The following SLC7A9 variants were observed in gnomAD, a reference collection of about 807,000 sequenced individuals.
SLC7A9 encodes B(0,+)-type amino acid transporter 1.
A neutral mutation model predicts 54.1 loss-of-function variants in SLC7A9; 38 were observed. The observed-to-expected ratio is 0.70, with a 90% CI of 0.54 to 0.92. The LOEUF (loss-of-function observed/expected upper bound fraction) is 0.92. SLC7A9 is among the 40% of genes least tolerant of loss of function. The probability of loss-of-function intolerance (pLI) is 0.00; values close to 1 mark genes in which losing one functional copy is unlikely to be tolerated. For missense variants in SLC7A9, 537 were observed against 636.1 expected (o/e 0.84, Z 1.68); for synonymous variants, 264 against 258.9 (o/e 1.02, Z -0.19).
intron 6 of SLC7A9, among the ~76,000 whole-genome samples, chr19:32,861,131 C>T (rs1054227928): frequency 3.9e-5 from 6 of 152,022 alleles, no homozygotes; most frequent in Non-Finnish European, 7.4e-5. Context: ...GAGTTCAAGA[C>T]TAGCCTGGCC....
At chr19:32,855,448 C>T (rs557861668) in intron 9 of SLC7A9, among the ~76,000 whole-genome samples, 1 of 152,148 alleles carries the variant, frequency 6.6e-6, no homozygotes, top group Non-Finnish European at 1.5e-5. Flanking sequence ...GCCTGTAATC[C>T]CAGCACTTTG....
At chr19:32,848,346 A>G (rs1191254608) in intron 9 of SLC7A9, among the ~76,000 whole-genome samples, 1 of 152,158 alleles carries the variant, frequency 6.6e-6, no homozygotes, top group African/African-American at 2.4e-5. Context: ...AGGAAGATCT[A>G]CCAAGCAAAT....
rs577978881 is a variant in SLC7A9 at position 32,845,356 on chromosome 19, G to A, written c.978-1405C>T. Among the ~76,000 whole-genome samples the A allele has an allele frequency of 2.0e-4, 30 of 151,400 alleles. No homozygotes were observed. The South Asian group carries it at 6.1e-3, about 31-fold the overall frequency. Reference sequence around the variant, plus strand: ...CTAAAAATACAAAAATTAGCCAGGTGTGGTGGCGGGCACCTGTAACCTCAG... The same window carrying A: ...CTAAAAATACAAAAATTAGCCAGGTATGGTGGCGGGCACCTGTAACCTCAG... On this transcript the variant is annotated intron_variant, in intron 9 of 12. Transcript: ENST00000023064.
chr19:32,860,165 G>A, intron 7 of SLC7A9: 11 of 1,514,602 alleles, frequency 7.3e-6, no homozygotes, highest in Non-Finnish European at 9.7e-6. Flanking sequence ...AGCAAAATAA[G>A]CCAGAGATAA....
chr19:32,833,629 C>T (rs1231733789), intron 11 of SLC7A9, among the ~76,000 whole-genome samples: 2 of 152,092 alleles, frequency 1.3e-5, no homozygotes, highest in Non-Finnish European at 2.9e-5. Flanking sequence ...GAAACACCAT[C>T]TCTACCAAAA....
intron 11 of SLC7A9, 52 bp from the exon 12 acceptor site, chr19:32,833,375 A>G (rs1245441983): frequency 6.3e-7 from 1 of 1,589,344 alleles, no homozygotes; most frequent in Non-Finnish European, 8.6e-7. Context: ...GAAATTTTTC[A>G]TGATAAAAAA....
chr19:32,868,823 C>G (rs1036103406), intron 1 of SLC7A9, among the ~76,000 whole-genome samples, 178 bp from the exon 2 acceptor site: 10 of 152,256 alleles, frequency 6.6e-5, no homozygotes, highest in African/African-American at 2.4e-4. Context: ...AGACAGGCCC[C>G]GGGAGCCTCC....
chr19:32,862,066 A>T, intron 6 of SLC7A9, 52 bp downstream of exon 6: 1 of 1,189,972 alleles, frequency 8.4e-7, no homozygotes, highest in South Asian at 1.2e-5. Context: ...AGTTAAAGTC[A>T]CCTGGAGAAC....
chr19:32,843,704 ATGT>A, intron 10 of SLC7A9, 148 bp downstream of exon 10: 1 of 669,586 alleles, frequency 1.5e-6, no homozygotes, highest in Non-Finnish European at 2.7e-6. Flanking sequence ...GATATTGGGT[ATGT>A]TGTTTCACTT....
intron 4 of SLC7A9, among the ~76,000 whole-genome samples, 161 bp downstream of exon 4, chr19:32,863,935 G>A (rs1968882104): frequency 6.6e-6 from 1 of 152,174 alleles, no homozygotes; most frequent in Non-Finnish European, 1.5e-5. Context: ...CACGGGCCTG[G>A]GGGTCCCCAG....
intron 10 of SLC7A9, among the ~76,000 whole-genome samples, chr19:32,842,987 G>A (rs1968172076): frequency 6.6e-6 from 1 of 152,092 alleles, no homozygotes; most frequent in Non-Finnish European, 1.5e-5. Context: ...GTGTGGCCCT[G>A]GACTGGTATT....
At chr19:32,847,594 C>A (rs1200199385) in intron 9 of SLC7A9, among the ~76,000 whole-genome samples, 3 of 152,162 alleles carry the variant, frequency 2.0e-5, no homozygotes, top group African/African-American at 7.2e-5. Flanking sequence ...AGAATGGAAC[C>A]AAGTTGGAAA....
At position 32,858,790 on chromosome 19, in the gene SLC7A9, T is replaced by TTATTTATTTATTTATTTATTTATG. The variant is rs1284711711; in HGVS notation, c.874-248_874-247insCATAAATAAATAAATAAATAAATA. Among the ~76,000 whole-genome samples, 34 of 151,574 alleles carry TTATTTATTTATTTATTTATTTATG rather than the reference T, an allele frequency of 2.2e-4. 1 individual carries two copies. The East Asian group carries it at 4.5e-3, about 20-fold the overall frequency. Reference sequence around the variant, plus strand: ...AATCTTTATTTATTTATTTATTTATTTATTTATTTATTTCTGAGATGGAGC... The same window carrying TTATTTATTTATTTATTTATTTATG: ...AATCTTTATTTATTTATTTATTTATTTATTTATTTATTTATTTATTTATGTATTTATTTATTTCTGAGATGGAGC... On this transcript the variant is annotated intron_variant, in intron 8 of 12. Coordinates refer to ENST00000023064, the MANE Select transcript of SLC7A9 (RefSeq NM_014270.5).
chr19:32,852,579 A>T (rs1968500680), intron 9 of SLC7A9, among the ~76,000 whole-genome samples: 1 of 152,208 alleles, frequency 6.6e-6, no homozygotes, highest in African/African-American at 2.4e-5. Flanking sequence ...AGAAGTCAAT[A>T]CAAATGCCAC....
chr19:32,868,928 G>C (rs1330813496), intron 1 of SLC7A9, among the ~76,000 whole-genome samples: 1 of 151,930 alleles, frequency 6.6e-6, no homozygotes, highest in Non-Finnish European at 1.5e-5. Context: ...AACATCCCGG[G>C]CTGGGCACAG....
intron 11 of SLC7A9, among the ~76,000 whole-genome samples, chr19:32,840,121 T>C (rs1968088490): frequency 6.6e-6 from 1 of 152,174 alleles, no homozygotes; most frequent in African/African-American, 2.4e-5. Flanking sequence ...ATATTTGTTT[T>C]CTTCCTTTTG....
rs556372232 is a variant in SLC7A9 at position 32,856,280 on chromosome 19, T to C, written c.977+2160A>G. Among the ~76,000 whole-genome samples the C allele has an allele frequency of 4.1e-3, 624 of 150,762 alleles. 5 individuals are homozygous for C. The highest frequency in any genetic ancestry group is 0.014 in the African/African-American group (581 of 41,150). ...CGTGATCTTGGCTCACTGTAAGCTC[T>C]GCCTCCTGGGTTCACGCCATTCTCC... is the stretch of plus-strand genomic sequence containing the variant. On this transcript the variant is annotated intron_variant, in intron 9 of 12. Transcript: ENST00000023064.
chr19:32,837,078 G>A (rs1967979533), intron 11 of SLC7A9, among the ~76,000 whole-genome samples: 1 of 152,082 alleles, frequency 6.6e-6, no homozygotes, highest in African/African-American at 2.4e-5. Context: ...ATTCTCTCGT[G>A]TTGTTTTATC....
chr19:32,843,913 T>G lies in SLC7A9; in HGVS notation c.1016A>C (p.Lys339Thr). The change falls in exon 10 of 13, where the codon AAA becomes ACA. Residue 339 changes from lysine to threonine, a missense_variant. Lys to Thr is a moderately conservative substitution (Grantham distance 78). Transcript: ENST00000023064. ...CCTGACGCTGATGTAAGAAAGCACTTTGAGCATGTGACCCTCCCGGCCCGC... is the reference window on the plus strand; with the variant it reads ...CCTGACGCTGATGTAAGAAAGCACTGTGAGCATGTGACCCTCCCGGCCCGC... ...YVAGREGHML[K>T]VLSYISVRRL... 6.2e-7 allele frequency: 1 copy of G among 1,613,902 alleles called. No homozygotes were observed.
Sources: allele counts gnomAD v4.1 joint callset (sites outside exome capture counted in the v4.1 genomes callset), GRCh38; gene constraint gnomAD v4.1.1; transcripts MANE v1.5; gene names NCBI Gene and HGNC (gene_info 2026-07-23, HGNC 2026-07-21).